FYB1: variants seen among roughly 807,000 people sequenced by gnomAD.
FYB1 encodes the protein FYN-binding protein 1.
A neutral mutation model predicts 94.1 loss-of-function variants in FYB1; 41 were observed. The ratio of observed to expected loss-of-function variants is 0.44; its 90% CI spans 0.34 to 0.57. The LOEUF (loss-of-function observed/expected upper bound fraction) is 0.57. FYB1 is among the 20% of genes least tolerant of loss of function. The pLI, the probability that FYB1 is intolerant of heterozygous loss-of-function variation, is 0.02. For missense variants in FYB1, 1,050 were observed against 976.8 expected (o/e 1.07, Z -1.00); for synonymous variants, 367 against 353.2 (o/e 1.04, Z -0.44).
intron 1 of FYB1, among the ~76,000 whole-genome samples, chr5:39,263,251 C>G (rs1487380773): frequency 1.3e-5 from 2 of 152,172 alleles, no homozygotes; most frequent in Non-Finnish European, 1.5e-5. Context: ...TGTATTCTAA[C>G]ACATGCTCTA....
intron 16 of FYB1, among the ~76,000 whole-genome samples, chr5:39,113,227 T>A (rs1739227338): frequency 6.6e-6 from 1 of 152,096 alleles, no homozygotes; most frequent in Admixed American, 6.6e-5. Context: ...ATGTTACACA[T>A]GTACATGTAT....
chr5:39,183,825 G>A (rs1404402938), intron 2 of FYB1, among the ~76,000 whole-genome samples: 1 of 152,168 alleles, frequency 6.6e-6, no homozygotes, highest in Non-Finnish European at 1.5e-5. Flanking sequence ...AGGCCTCAAA[G>A]CAAGATGTTC....
At chr5:39,188,333 G>A (rs1446983027) in intron 2 of FYB1, among the ~76,000 whole-genome samples, 1 of 152,024 alleles carries the variant, frequency 6.6e-6, no homozygotes, top group East Asian at 1.9e-4. Flanking sequence ...TGCTTAAATG[G>A]ATTATTCATT....
chr5:39,131,042 T>C (rs548557775), intron 9 of FYB1, among the ~76,000 whole-genome samples: 1 of 152,242 alleles, frequency 6.6e-6, no homozygotes, highest in East Asian at 1.9e-4. Context: ...CCACAGCATT[T>C]TACTCCTAGT....
At chr5:39,113,800 A>G (rs1739284478) in intron 16 of FYB1, among the ~76,000 whole-genome samples, 2 of 152,138 alleles carry the variant, frequency 1.3e-5, no homozygotes. Flanking sequence ...GCATAGATTT[A>G]CCTAGGCAAG....
At chr5:39,184,963 T>G (rs1044593389) in intron 2 of FYB1, among the ~76,000 whole-genome samples, 1 of 152,180 alleles carries the variant, frequency 6.6e-6, no homozygotes, top group African/African-American at 2.4e-5. Context: ...CAATATACAT[T>G]CATTCTTTTC....
At chr5:39,166,286 AT>A (rs1744723743) in intron 2 of FYB1, among the ~76,000 whole-genome samples, 1 of 152,010 alleles carries the variant, frequency 6.6e-6, no homozygotes, top group Admixed American at 6.6e-5. Context: ...AAAATACAAA[AT>A]TATCCGGGCC....
At chr5:39,259,978 G>A (rs185834260) in intron 1 of FYB1, among the ~76,000 whole-genome samples, 3 of 152,252 alleles carry the variant, frequency 2.0e-5, no homozygotes, top group Admixed American at 6.5e-5. Context: ...GACAGTTGGT[G>A]ACTCAACACA....
chr5:39,170,163 A>G, intron 2 of FYB1: 1 of 774,984 alleles, frequency 1.3e-6, no homozygotes, highest in Non-Finnish European at 2.3e-6. Context: ...GTCAAGTCTG[A>G]TATGTCAAAT....
chr5:39,230,761 G>A (rs528585465), intron 1 of FYB1, among the ~76,000 whole-genome samples: 8 of 151,006 alleles, frequency 5.3e-5, no homozygotes, highest in Non-Finnish European at 1.0e-4. Flanking sequence ...CTGGCATCAC[G>A]GTCTAATGAC....
At chr5:39,253,578 A>G (rs1751817688) in intron 1 of FYB1, among the ~76,000 whole-genome samples, 1 of 152,220 alleles carries the variant, frequency 6.6e-6, no homozygotes, top group African/African-American at 2.4e-5. Context: ...GTTGTAAGGT[A>G]TAGGATTGTT....
intron 2 of FYB1, among the ~76,000 whole-genome samples, chr5:39,174,573 C>T (rs1434607052): frequency 1.3e-5 from 2 of 152,084 alleles, no homozygotes; most frequent in Non-Finnish European, 2.9e-5. Context: ...CCCTTTTTAT[C>T]AAAGATGAAA....
chr5:39,253,156 G>A (rs1751796991), intron 1 of FYB1, among the ~76,000 whole-genome samples: 2 of 152,144 alleles, frequency 1.3e-5, no homozygotes, highest in Admixed American at 1.3e-4. Context: ...GAGATTCACT[G>A]AGATGACATT....
chr5:39,150,478 C>T (rs1393274992), intron 3 of FYB1, among the ~76,000 whole-genome samples: 1 of 152,160 alleles, frequency 6.6e-6, no homozygotes, highest in Non-Finnish European at 1.5e-5. Context: ...ATCTTTGGAA[C>T]ACTTACTTTA....
At chr5:39,195,281 T>C (rs1206634559) in intron 2 of FYB1, among the ~76,000 whole-genome samples, 1 of 152,210 alleles carries the variant, frequency 6.6e-6, no homozygotes, top group Non-Finnish European at 1.5e-5. Flanking sequence ...CCTTTTTCCC[T>C]GTGGTGGCTA....
At chr5:39,218,807 A>C (rs1750076200) in intron 1 of FYB1, among the ~76,000 whole-genome samples, 3 of 152,218 alleles carry the variant, frequency 2.0e-5, no homozygotes. Flanking sequence ...CAATGTATAC[A>C]AGACAGCCAA....
intron 6 of FYB1, chr5:39,138,045 C>T (rs777588163): frequency 4.4e-5 from 14 of 317,400 alleles, no homozygotes; most frequent in Admixed American, 9.7e-5. Context: ...CATATGCACA[C>T]GTGCCTGTGC....
At chr5:39,126,926 C>G (rs932034141) in intron 11 of FYB1, among the ~76,000 whole-genome samples, 2 of 151,094 alleles carry the variant, frequency 1.3e-5, no homozygotes, top group African/African-American at 4.9e-5. Context: ...GGCATGATGG[C>G]ACATGCCTGT....
At position 39,229,059 on chromosome 5, in the gene FYB1, G is replaced by A. The variant is rs568690034; in HGVS notation, c.-27-26072C>T. Among the ~76,000 whole-genome samples, 338 of 152,260 alleles carry A rather than the reference G, an allele frequency of 2.2e-3. 13 individuals are homozygous for A. In the Middle Eastern group the frequency reaches 0.024, roughly 11 times the overall value. ...CTCTCTGTGTGAAGAGTATGGCTACGATCCTAGGACTGGGGTCTGTCCTGA... is the reference window on the plus strand; with the variant it reads ...CTCTCTGTGTGAAGAGTATGGCTACAATCCTAGGACTGGGGTCTGTCCTGA... On this transcript the variant is annotated intron_variant, in intron 1 of 1. Coordinates refer to the FYB1 transcript ENST00000510188.
Sources: allele counts gnomAD v4.1 joint callset (sites outside exome capture counted in the v4.1 genomes callset), GRCh38; gene constraint gnomAD v4.1.1; transcripts MANE v1.5; gene names NCBI Gene and HGNC (gene_info 2026-07-23, HGNC 2026-07-21).